Variants in TMEM178A observed in about 807,000 individuals in gnomAD.
TMEM178A encodes transmembrane protein 178.
TMEM178A carries 12 observed loss-of-function variants against 29.1 expected under a neutral mutation model. The ratio of observed to expected loss-of-function variants is 0.41; its 90% CI spans 0.26 to 0.67. TMEM178A has a LOEUF of 0.67. TMEM178A is among the 30% of genes least tolerant of loss of function. TMEM178A has a pLI of 0.29. For synonymous variants in TMEM178A, 210 were observed against 187.2 expected, an observed-to-expected ratio of 1.12 and a Z score of -0.99; for missense variants, 366 against 419.1, an observed-to-expected ratio of 0.87 and a Z score of 1.11.
At chr2:39,707,618 T>G (rs1222694837) in intron 3 of TMEM178A, among the ~76,000 whole-genome samples, 1 of 152,162 alleles carries the variant, frequency 6.6e-6, no homozygotes, top group Non-Finnish European at 1.5e-5. Context: ...ACTACAGGCA[T>G]GTGCCACCAC....
chr2:39,719,924 C>T (rs1473922949), downstream of TMEM178A, among the ~76,000 whole-genome samples: 1 of 152,028 alleles, frequency 6.6e-6, no homozygotes, highest in Non-Finnish European at 1.5e-5. Context: ...TACTGAATGG[C>T]TATTATGTGC....
the TMEM178A span, among the ~76,000 whole-genome samples, chr2:39,726,914 G>C: frequency 2.0e-5 from 3 of 152,102 alleles, no homozygotes; most frequent in East Asian, 5.8e-4. Context: ...AAATGATTGT[G>C]GCATTCAGAT....
intron 1 of TMEM178A, among the ~76,000 whole-genome samples, chr2:39,673,187 G>A (rs181476120): frequency 8.5e-5 from 13 of 152,296 alleles, no homozygotes; most frequent in East Asian, 1.9e-4. Context: ...GAGAGAGTCC[G>A]CCTTGGCCGT....
At chr2:39,665,782 G>T, upstream of TMEM178A, 1 of 444,226 alleles carries the variant, frequency 2.3e-6, no homozygotes, top group Non-Finnish European at 3.6e-6. Flanking sequence ...GGGCGGGCGG[G>T]CGGTGGGAGG....
chr2:39,709,101 C>T (rs763464130), intron 3 of TMEM178A, among the ~76,000 whole-genome samples: 3 of 152,216 alleles, frequency 2.0e-5, no homozygotes, highest in Non-Finnish European at 2.9e-5. Flanking sequence ...ATTAAGCCTG[C>T]GTTAACAGGA....
rs1670156786 is a variant in TMEM178A, at chr2:39,666,304, C to T, written c.330C>T (p.Thr110=). The change falls in exon 1 of 4, where the codon ACC becomes ACT. Residue 110 remains threonine, a synonymous_variant. Transcript: ENST00000281961. ...DAECGRPLFA[T]YSGLWRKCYF... is the part of the protein sequence containing the mutation. ...AGTGCGGCCGGCCCCTCTTCGCCACCTACTCGGGCCTCTGGAGGAAGTGCT... is the reference window on the plus strand; with the variant it reads ...AGTGCGGCCGGCCCCTCTTCGCCACTTACTCGGGCCTCTGGAGGAAGTGCT... The T allele has an allele frequency of 1.4e-6, 2 of 1,436,540 alleles. No individual in the cohort carries two copies. Among genetic ancestry groups the T allele is most frequent in the Admixed American group, 2.3e-5 (1 of 43,374 alleles). 89.0% of individuals were successfully genotyped at this position (1,436,540 alleles called of 1,614,324 possible).
rs145979317 is a variant in TMEM178A, at chr2:39,698,950, T to C, written c.401-5131T>C. On this transcript the variant is annotated intron_variant, in intron 1 of 3. Transcript: ENST00000281961. ...CTGTTTTATCTAATTTGTTGGCATG[T>C]AATTTTTCACTGTGTTCTCTTAAGC... is the stretch of plus-strand genomic sequence containing the variant. Among the ~76,000 whole-genome samples, 1,093 of 152,298 alleles carry C rather than the reference T, an allele frequency of 7.2e-3. 3 individuals are homozygous for C. The highest frequency in any genetic ancestry group is 0.014 in the Admixed American group (216 of 15,294).
downstream of TMEM178A, among the ~76,000 whole-genome samples, chr2:39,718,809 C>A (rs763483808): frequency 1.3e-5 from 2 of 150,978 alleles, no homozygotes; most frequent in Non-Finnish European, 3.0e-5. Context: ...TTCCTTTTAA[C>A]TCCAACCCTT....
Position 39,665,971 on chromosome 2 carries a change from A to G in TMEM178A, c.-4A>G, listed in dbSNP as rs1670129503. On this transcript the variant is annotated 5_prime_UTR_variant, in exon 1 of 4. Coordinates refer to ENST00000281961, the MANE Select transcript of TMEM178A (RefSeq NM_152390.3). ...CACCGGCGGCTGCGGCGGGGCGGGAAGCCATGGAGCCGCGGGCGCTCGTCA... is the reference window on the plus strand; with the variant it reads ...CACCGGCGGCTGCGGCGGGGCGGGAGGCCATGGAGCCGCGGGCGCTCGTCA... 2 of 1,348,918 alleles carry G rather than the reference A, an allele frequency of 1.5e-6. No individual in the cohort carries two copies. Among genetic ancestry groups the G allele is most frequent in the African/African-American group, 1.5e-5 (1 of 65,356 alleles). The allele number at this position is 1,348,918 out of a possible 1,614,324, so 83.6% of individuals were successfully genotyped here. A position where few individuals can be genotyped will look rare whatever the true frequency, so the allele number is the denominator to read the frequency against.
intron 1 of TMEM178A, among the ~76,000 whole-genome samples, chr2:39,680,894 C>T (rs1200320879): frequency 6.6e-6 from 1 of 151,986 alleles, no homozygotes; most frequent in Non-Finnish European, 1.5e-5. Flanking sequence ...TTAGATAGTG[C>T]TTTTTGAATT....
chr2:39,709,230 A>T (rs1672196594), intron 3 of TMEM178A, among the ~76,000 whole-genome samples: 1 of 152,200 alleles, frequency 6.6e-6, no homozygotes, highest in Non-Finnish European at 1.5e-5. Flanking sequence ...TAAGGAACCC[A>T]CATCACAGGC....
chr2:39,667,134 G>A (rs1670203095), intron 1 of TMEM178A, among the ~76,000 whole-genome samples: 2 of 152,204 alleles, frequency 1.3e-5, no homozygotes, highest in Non-Finnish European at 2.9e-5. Context: ...GCACTGAGGA[G>A]AGAAAATGTC....
chr2:39,730,492 C>T, the TMEM178A span, among the ~76,000 whole-genome samples: 1 of 152,148 alleles, frequency 6.6e-6, no homozygotes, highest in East Asian at 1.9e-4. Context: ...CTGTAAAGAG[C>T]TGACAGACCA....
chr2:39,710,291 C>T (rs1012915758), intron 3 of TMEM178A, among the ~76,000 whole-genome samples: 5 of 152,184 alleles, frequency 3.3e-5, no homozygotes, highest in Admixed American at 6.5e-5. Flanking sequence ...ACATTGTTAA[C>T]ATTGTTCTGT....
At chr2:39,720,987 G>T (rs1223954679), downstream of TMEM178A, among the ~76,000 whole-genome samples, 2 of 152,072 alleles carry the variant, frequency 1.3e-5, no homozygotes, top group Non-Finnish European at 2.9e-5. Flanking sequence ...ACCTCAATAT[G>T]GTTCTACACC....
chr2:39,703,847 C>CTCCGTATG (rs1323337665), intron 1 of TMEM178A, among the ~76,000 whole-genome samples: 1 of 152,160 alleles, frequency 6.6e-6, no homozygotes, highest in Non-Finnish European at 1.5e-5. Flanking sequence ...GTAAAACAAG[C>CTCCGTATG]TCCGTATGGG....
chr2:39,703,205 T>C (rs1671872524), intron 1 of TMEM178A, among the ~76,000 whole-genome samples: 1 of 152,230 alleles, frequency 6.6e-6, no homozygotes, highest in South Asian at 2.1e-4. Flanking sequence ...CAGATTGCAT[T>C]TATCCAAACA....
At chr2:39,698,028 C>G (rs900510460) in intron 1 of TMEM178A, 2 of 152,232 alleles carry the variant, frequency 1.3e-5, no homozygotes, top group Non-Finnish European at 1.5e-5. Context: ...TGTCGCCAAT[C>G]CAATCTCCTT....
At chr2:39,688,267 C>A (rs1362047788) in intron 1 of TMEM178A, among the ~76,000 whole-genome samples, 1 of 152,236 alleles carries the variant, frequency 6.6e-6, no homozygotes, top group Non-Finnish European at 1.5e-5. Context: ...TATCATTTTC[C>A]TAGAACTACA....
Sources: allele counts gnomAD v4.1 joint callset (sites outside exome capture counted in the v4.1 genomes callset), GRCh38; gene constraint gnomAD v4.1.1; transcripts MANE v1.5; gene names NCBI Gene and HGNC (gene_info 2026-07-23, HGNC 2026-07-21).